Variants in ERI3 observed in about 807,000 individuals in gnomAD.
ERI3 encodes the protein ERI1 exoribonuclease family member 3.
ERI3 carries 18 observed loss-of-function variants against 44.4 expected under a neutral mutation model. That is an observed-to-expected ratio of 0.41 (90% CI 0.28 to 0.60). The LOEUF is 0.60. ERI3 is among the 20% of genes least tolerant of loss of function. The pLI is 0.36. For missense variants in ERI3, 294 were observed against 435.5 expected, an observed-to-expected ratio of 0.68 and a Z score of 2.89; for synonymous variants, 183 against 164.8, an observed-to-expected ratio of 1.11 and a Z score of -0.84.
chr1:44,332,047 C>CCCCTAGCATCTAACACAGA (rs1646440679), intron 3 of ERI3, among the ~76,000 whole-genome samples: 1 of 152,156 alleles, frequency 6.6e-6, no homozygotes, highest in African/African-American at 2.4e-5. Flanking sequence ...TGTCTTTATA[C>CCCCTAGCATCTAACACAGA]CCCTAGCATC....
intron 3 of ERI3, among the ~76,000 whole-genome samples, chr1:44,332,172 T>A (rs971023806): frequency 1.3e-5 from 2 of 152,198 alleles, no homozygotes; most frequent in African/African-American, 2.4e-5. Flanking sequence ...GGTTTTTTTA[T>A]GTCCAACAAA....
Position 44,354,894 on chromosome 1 carries a change from C to G in ERI3, c.133G>C (p.Gly45Arg), listed in dbSNP as rs750876579. The G allele has an allele frequency of 3.0e-6, 4 of 1,316,886 alleles. No individual in the cohort carries two copies. The South Asian group carries it at 1.2e-4, about 40-fold the overall frequency. 81.6% of individuals were successfully genotyped at this position (1,316,886 alleles called of 1,614,324 possible). ...CGGGGCCATTCAGCATCACCCACCC[C>G]GGGGTGTTGCCCCCAACTCGGGCCC... is the stretch of plus-strand genomic sequence containing the variant. ...WMGPSWGQHP[G>R]HWGFPALTEP... Residue 45 changes from glycine (G) to arginine (R), a missense_variant and splice_region_variant, in exon 1 of 9, where the codon GGG (glycine) becomes CGG (arginine). This residue lies in a region of ERI3 where 107 missense variants were observed against 96.9 expected (regional missense o/e 1.10). Transcript: ENST00000372257.
intron 3 of ERI3, among the ~76,000 whole-genome samples, chr1:44,334,983 A>G (rs1249685268): frequency 6.6e-6 from 1 of 152,134 alleles, no homozygotes; most frequent in African/African-American, 2.4e-5. Flanking sequence ...TCTGCCTCCT[A>G]TATACTCAAG....
At chr1:44,306,369 GAC>G (rs1278231217) in intron 6 of ERI3, among the ~76,000 whole-genome samples, 1 of 152,208 alleles carries the variant, frequency 6.6e-6, no homozygotes, top group African/African-American at 2.4e-5. Flanking sequence ...ATAAAAGAAA[GAC>G]AATACCACCA....
At chr1:44,320,035 C>T (rs975128665) in intron 3 of ERI3, among the ~76,000 whole-genome samples, 1 of 152,170 alleles carries the variant, frequency 6.6e-6, no homozygotes, top group African/African-American at 2.4e-5. Flanking sequence ...GTTTCTCCAA[C>T]TGGTTCTCTA....
intron 7 of ERI3, among the ~76,000 whole-genome samples, chr1:44,262,261 C>T (rs1196097226): frequency 2.0e-5 from 3 of 152,218 alleles, no homozygotes; most frequent in Non-Finnish European, 4.4e-5. Flanking sequence ...CTTGTCTCCA[C>T]AGCACAGTCC....
chr1:44,252,221 C>T lies in ERI3; in HGVS notation c.832-4183G>A, dbSNP rs1644695116. 6.6e-6 allele frequency among the ~76,000 whole-genome samples: 1 copy of T among 152,216 alleles called. No homozygotes were observed. ...CTGGCTGAGGTGAAAGATGCTGGGC[C>T]TACCAAGCCAAACCACCTCAGCCCT... On this transcript the variant is annotated intron_variant, in intron 7 of 8. Coordinates refer to ENST00000372257, the MANE Select transcript of ERI3 (RefSeq NM_024066.3). The surrounding 1 kb of genome is among the most constrained non-coding windows in gnomAD (Gnocchi z 4.7).
chr1:44,274,945 C>T (rs955071811), intron 7 of ERI3, among the ~76,000 whole-genome samples: 1 of 152,156 alleles, frequency 6.6e-6, no homozygotes, highest in Admixed American at 6.5e-5. Flanking sequence ...TGATTCCCAT[C>T]AGGACACCAG....
intron 7 of ERI3, among the ~76,000 whole-genome samples, chr1:44,253,460 C>A (rs767526281): frequency 6.6e-6 from 1 of 152,238 alleles, no homozygotes; most frequent in East Asian, 1.9e-4. Flanking sequence ...ACAGTTCCCT[C>A]TCCCTTTCCC....
At chr1:44,342,523 T>C (rs886436282) in intron 2 of ERI3, among the ~76,000 whole-genome samples, 8 of 151,068 alleles carry the variant, frequency 5.3e-5, no homozygotes, top group African/African-American at 1.5e-4. Context: ...GTGTATCAGA[T>C]AGATAGATGG....
chr1:44,242,131 C>T (rs1201208365), intron 8 of ERI3: 3 of 985,636 alleles, frequency 3.0e-6, no homozygotes, highest in African/African-American at 1.7e-5. Flanking sequence ...ATCTCCCTAG[C>T]TTCTCACTTT....
intron 6 of ERI3, among the ~76,000 whole-genome samples, chr1:44,300,463 G>A (rs369573698): frequency 6.6e-6 from 1 of 152,160 alleles, no homozygotes; most frequent in Non-Finnish European, 1.5e-5. Context: ...TTCTCTCCCA[G>A]TCCCCATTGA....
chr1:44,325,518 G>A (rs1646294327), intron 3 of ERI3, among the ~76,000 whole-genome samples: 1 of 151,932 alleles, frequency 6.6e-6, no homozygotes, highest in Non-Finnish European at 1.5e-5. Context: ...TTGCTTTCGG[G>A]GTATTCAAAC....
intron 6 of ERI3, among the ~76,000 whole-genome samples, chr1:44,302,312 A>G (rs542806913): frequency 6.6e-6 from 1 of 152,346 alleles, no homozygotes; most frequent in South Asian, 2.1e-4. Flanking sequence ...GGGGAGCCCA[A>G]GCACTTGCAA....
At chr1:44,300,845 C>T (rs567690688) in intron 6 of ERI3, among the ~76,000 whole-genome samples, 2 of 152,318 alleles carry the variant, frequency 1.3e-5, no homozygotes, top group African/African-American at 2.4e-5. Flanking sequence ...AAGGAGCTGT[C>T]AGGCTAACGA....
At chr1:44,344,946 C>T (rs565547203) in intron 2 of ERI3, among the ~76,000 whole-genome samples, 20 of 152,252 alleles carry the variant, frequency 1.3e-4, no homozygotes, top group African/African-American at 4.1e-4. Context: ...AGCAGGCCTG[C>T]GCCAGAGCCC....
intron 4 of ERI3, among the ~76,000 whole-genome samples, chr1:44,317,445 A>G (rs1481492715): frequency 1.3e-5 from 2 of 151,934 alleles, no homozygotes; most frequent in African/African-American, 2.4e-5. Flanking sequence ...TCCAAACAAG[A>G]CTTTACTTAC....
intron 2 of ERI3, among the ~76,000 whole-genome samples, chr1:44,341,125 C>T (rs953682640): frequency 6.6e-6 from 1 of 152,174 alleles, no homozygotes; most frequent in African/African-American, 2.4e-5. Context: ...ATCCTGTCTA[C>T]CAAATACTAT....
chr1:44,285,098 A>G (rs1172837930), intron 6 of ERI3, among the ~76,000 whole-genome samples, 191 bp from the exon 7 acceptor site: 1 of 152,238 alleles, frequency 6.6e-6, no homozygotes, highest in Non-Finnish European at 1.5e-5. Flanking sequence ...CTCCAGCTCT[A>G]GCCCTCAGAT....
Sources: allele counts gnomAD v4.1 joint callset (sites outside exome capture counted in the v4.1 genomes callset), GRCh38; gene constraint gnomAD v4.1.1; regional missense constraint gnomAD v4.1.1; non-coding constraint Gnocchi (gnomAD v3.1); transcripts MANE v1.5; gene names NCBI Gene and HGNC (gene_info 2026-07-23, HGNC 2026-07-21).